The following F11 variants were observed in gnomAD, a reference collection of about 807,000 sequenced individuals.
The protein encoded by F11 is coagualtion factor XI.
Under a neutral mutation model 76.5 loss-of-function variants are expected in F11, and 78 were observed. The observed-to-expected ratio is 1.02, with a 90% CI of 0.85 to 1.23. The LOEUF is 1.23. F11 is among the 50% of genes most tolerant of loss of function. The pLI is 0.00. For synonymous variants in F11, 278 were observed against 276.3 expected (o/e 1.01, Z -0.06); for missense variants, 742 against 771.4 (o/e 0.96, Z 0.45).
At position 186,280,253 on chromosome 4, in the gene F11, C is replaced by G. The variant is rs1740697234; in HGVS notation, c.896C>G (p.Thr299Ser). 1.2e-6 allele frequency: 2 copies of G among 1,614,104 alleles called. No homozygotes were observed. The highest frequency in any genetic ancestry group is 1.7e-5 in the Admixed American group (1 of 60,008). The change falls in exon 9 of 15, where the codon ACT becomes AGT. Residue 299 changes from threonine (T) to serine (S), a missense_variant. Transcript: ENST00000403665. ...VFCHSSFYHDTDFLGEELDIV... is the reference protein window; with the variant it reads ...VFCHSSFYHDSDFLGEELDIV... ...TGCCATTCTTCATTTTACCATGACA[C>G]TGATTTCTTGGGAGAAGAACTGGAT...
At position 186,286,460 on chromosome 4, in the gene F11, T is replaced by C. The variant is rs1741214335; in HGVS notation, c.1526T>C (p.Val509Ala). 6.2e-7 allele frequency: 1 copy of C among 1,614,016 alleles called. No homozygotes were observed. Among genetic ancestry groups the C allele is most frequent in the South Asian group, 1.1e-5 (1 of 91,074 alleles). The change falls in exon 13 of 15, where the codon GTA (valine) becomes GCA (alanine). Residue 509 changes from valine (V) to alanine (A), a missense_variant. Physicochemically the swap from Val to Ala is moderately conservative, Grantham distance 64. Transcript: ENST00000403665. ...CTGCCTTCCAAAGGAGATAGAAATG[T>C]AATATACACTGATTGCTGGGTGACT... is the stretch of plus-strand genomic sequence containing the variant. Reference protein sequence around the residue: ...ICLPSKGDRNVIYTDCWVTGW... With the variant: ...ICLPSKGDRNAIYTDCWVTGW...
At position 186,274,222 on chromosome 4, in the gene F11, C is replaced by A. The variant is rs772210879; in HGVS notation, c.432C>A (p.Val144=). Residue 144 remains valine (V), a synonymous_variant, in exon 5 of 15, where the codon GTC becomes GTA. Coordinates refer to ENST00000403665, the MANE Select transcript of F11 (RefSeq NM_000128.4). ...GCCAAGAAAGATGCACGGATGACGT[C>A]CACTGCCACTTTTTCACGTACGCCA... ...QECQERCTDD[V]HCHFFTYATR... 2 of 1,614,128 alleles carry A rather than the reference C, an allele frequency of 1.2e-6. No individual in the cohort carries two copies. The highest frequency in any genetic ancestry group is 2.7e-5 in the African/African-American group (2 of 74,942).
chr4:186,274,346 A>T, intron 5 of F11, 71 bp downstream of exon 5: 2 of 1,590,624 alleles, frequency 1.3e-6, no homozygotes, highest in Non-Finnish European at 1.7e-6. Flanking sequence ...AGCTTTTGCC[A>T]TCAACTTTAT....
intron 2 of F11, among the ~76,000 whole-genome samples, chr4:186,270,282 G>T (rs377190838): frequency 3.3e-5 from 5 of 152,236 alleles, no homozygotes; most frequent in African/African-American, 9.6e-5. Context: ...GAAGCAGCAT[G>T]TGTTCCATGT....
At chr4:186,274,387 A>G (rs1173370681) in intron 5 of F11, 112 bp downstream of exon 5, 2 of 1,361,438 alleles carry the variant, frequency 1.5e-6, no homozygotes, top group Non-Finnish European at 2.1e-6. Flanking sequence ...CCTAAAAGAC[A>G]TTTCTATAAT....
In F11 at chr4:186,273,043, C is replaced by A. The variant is rs770380542; in HGVS notation, c.219-28C>A. The A allele has an allele frequency of 1.2e-5, 17 of 1,396,130 alleles. No individual in the cohort carries two copies. The Admixed American group carries it at 2.7e-4, about 22-fold the overall frequency. 86.5% of individuals were successfully genotyped at this position (1,396,130 alleles called of 1,614,324 possible). A position where few individuals can be genotyped will look rare whatever the true frequency, so the allele number is the denominator to read the frequency against. On this transcript the variant is annotated intron_variant, in intron 3 of 14. Coordinates refer to ENST00000403665, the MANE Select transcript of F11 (RefSeq NM_000128.4). ...TATTTTAAAAACATAAATTCCTATT[C>A]ATTAATATGTATTTTTTAAAAAAAC...
chr4:186,288,944 G>A lies in F11; in HGVS notation c.*330G>A. 3.0e-6 allele frequency: 1 copy of A among 336,320 alleles called. No homozygotes were observed. Among genetic ancestry groups the A allele is most frequent in the South Asian group, 2.6e-5 (1 of 38,450 alleles). The allele number at this position is 336,320 out of a possible 1,614,324, so 20.8% of individuals were successfully genotyped here. On this transcript the variant is annotated 3_prime_UTR_variant, in exon 15 of 15. Coordinates refer to ENST00000403665, the MANE Select transcript of F11 (RefSeq NM_000128.4). ...AACCAAGTAGTGGCAGTGGGGATCA[G>A]GCAGAAGAACTGGTAAAAGAAGCCA...
chr4:186,269,968 A>T (rs1739811821), intron 2 of F11, among the ~76,000 whole-genome samples: 1 of 152,196 alleles, frequency 6.6e-6, no homozygotes. Context: ...GGAATATTGA[A>T]AGCTTTCCCA....
chr4:186,276,434 T>A (rs758898387), intron 7 of F11, 44 bp downstream of exon 7: 2 of 1,601,170 alleles, frequency 1.2e-6, no homozygotes, highest in Non-Finnish European at 1.7e-6. Flanking sequence ...CTTCTAAAAA[T>A]AGCTGATCAA....
chr4:186,274,308 T>C (rs374216751), intron 5 of F11, 33 bp downstream of exon 5: 22 of 1,613,936 alleles, frequency 1.4e-5, no homozygotes, highest in Middle Eastern at 1.6e-4. Context: ...GAGTGGTCGA[T>C]GAAAAACAGA....
At chr4:186,283,561 G>T (rs1194344451) in intron 10 of F11, among the ~76,000 whole-genome samples, 1 of 152,228 alleles carries the variant, frequency 6.6e-6, no homozygotes, top group Non-Finnish European at 1.5e-5. Flanking sequence ...CTGGGATCAT[G>T]GTCAGCAGAG....
chr4:186,290,368 G>A (rs1741484070), downstream of F11, among the ~76,000 whole-genome samples: 1 of 152,190 alleles, frequency 6.6e-6, no homozygotes, highest in African/African-American at 2.4e-5. Flanking sequence ...GACGGGGCCA[G>A]ATCCAAAATG....
intron 7 of F11, among the ~76,000 whole-genome samples, chr4:186,278,343 A>G (rs4253418): frequency 0.96 from 146,833 of 152,204 alleles, 70,851 homozygotes; most frequent in East Asian, 1. Context: ...TTTCAGAAGC[A>G]CCGGGTCTGT....
chr4:186,280,138 G>A lies in F11; in HGVS notation c.865+17G>A. ...GCATCCCAGGTAAACTGAGAGTTCT[G>A]CATTCTGGCTGAGAGTGACCAGCCC... is the stretch of plus-strand genomic sequence containing the variant. On this transcript the variant is annotated intron_variant, in intron 8 of 14. Transcript: ENST00000403665. 6.2e-7 allele frequency: 1 copy of A among 1,613,900 alleles called. No individual in the cohort carries two copies. Among genetic ancestry groups the A allele is most frequent in the Non-Finnish European group, 8.5e-7 (1 of 1,179,810 alleles).
chr4:186,282,427 G>C (rs1057345929), intron 10 of F11: 2 of 985,290 alleles, frequency 2.0e-6, no homozygotes, highest in Non-Finnish European at 2.4e-6. Context: ...AAAGGGAATA[G>C]CTGCGTGAGA....
In F11 at chr4:186,288,764, C is replaced by T; in HGVS notation, c.*150C>T. The T allele has an allele frequency of 2.3e-6, 2 of 870,466 alleles. No homozygotes were observed. The highest frequency in any genetic ancestry group is 3.7e-6 in the Non-Finnish European group (2 of 541,124). 53.9% of individuals were successfully genotyped at this position (870,466 alleles called of 1,614,324 possible). A position where few individuals can be genotyped will look rare whatever the true frequency, so the allele number is the denominator to read the frequency against. On this transcript the variant is annotated 3_prime_UTR_variant, in exon 15 of 15. Coordinates refer to ENST00000403665, the MANE Select transcript of F11 (RefSeq NM_000128.4). Reference sequence around the variant, plus strand: ...AAAATGCTAGAAGAAAACAAACTGTCACAAGTTGTTATGTCCAAAACTCCC... The same window carrying T: ...AAAATGCTAGAAGAAAACAAACTGTTACAAGTTGTTATGTCCAAAACTCCC...
chr4:186,282,450 C>T lies in F11; in HGVS notation c.1136-1642C>T, dbSNP rs1323092968. Reference sequence around the variant, plus strand: ...TAGCTGCGTGAGATATTTATGGTGCCTTGTCTGTCACTGGTCTACAATGTA... The same window carrying T: ...TAGCTGCGTGAGATATTTATGGTGCTTTGTCTGTCACTGGTCTACAATGTA... On this transcript the variant is annotated intron_variant, in intron 10 of 14. Coordinates refer to ENST00000403665, the MANE Select transcript of F11 (RefSeq NM_000128.4). 7.1e-6 allele frequency: 7 copies of T among 985,302 alleles called. No individual in the cohort carries two copies. The East Asian group carries it at 4.5e-4, about 64-fold the overall frequency. The allele number at this position is 985,302 out of a possible 1,614,324, so 61.0% of individuals were successfully genotyped here.
At chr4:186,273,981 T>G in intron 4 of F11, 135 bp from the exon 5 acceptor site, 3 of 874,042 alleles carry the variant, frequency 3.4e-6, no homozygotes, top group East Asian at 2.6e-5. Context: ...ATAAGAATTT[T>G]GCAGATTAAT....
At chr4:186,286,237 T>C (rs1057312251) in intron 12 of F11, 178 bp from the exon 13 acceptor site, 9 of 622,556 alleles carry the variant, frequency 1.4e-5, no homozygotes, top group African/African-American at 1.3e-4. Context: ...CGCCCTCTCA[T>C]CCTGGCACAT....
Sources: gnomAD v4.1 joint callset for allele counts (sites outside exome capture counted in the v4.1 genomes callset) on GRCh38, gnomAD v4.1.1 for gene constraint, MANE v1.5 for transcripts, NCBI Gene and HGNC (gene_info 2026-07-23, HGNC 2026-07-21) for gene names.